The following NOX3 variants were observed in gnomAD, a reference collection of about 807,000 sequenced individuals.
The protein encoded by NOX3 is NADPH oxidase catalytic subunit-like 3.
Under a neutral mutation model 76.7 loss-of-function variants are expected in NOX3, and 74 were observed. That is an observed-to-expected ratio of 0.96 (90% CI 0.80 to 1.17). The LOEUF (loss-of-function observed/expected upper bound fraction) is 1.17, where lower values mean the gene tolerates loss of function less well. NOX3 is among the 50% of genes most tolerant of loss of function. The pLI is 0.00. For synonymous variants in NOX3, 263 were observed against 261.1 expected, an observed-to-expected ratio of 1.01 and a Z score of -0.07; for missense variants, 695 against 703.3, an observed-to-expected ratio of 0.99 and a Z score of 0.13.
chr6:155,423,960 C>A (rs1031149482), intron 9 of NOX3, among the ~76,000 whole-genome samples: 4 of 152,082 alleles, frequency 2.6e-5, no homozygotes, highest in Non-Finnish European at 4.4e-5. Flanking sequence ...CCAGGATGGT[C>A]TTGATCTCTT....
chr6:155,416,692 G>A (rs1165419619), intron 10 of NOX3, among the ~76,000 whole-genome samples: 2 of 149,036 alleles, frequency 1.3e-5, no homozygotes, highest in Non-Finnish European at 3.0e-5. Context: ...CCTCCGTTTG[G>A]TCTAATTACA....
chr6:155,410,469 T>C (rs1233392752), intron 11 of NOX3, among the ~76,000 whole-genome samples: 1 of 152,240 alleles, frequency 6.6e-6, no homozygotes, highest in Non-Finnish European at 1.5e-5. Context: ...TTGTGTAACC[T>C]AGTAATCACT....
chr6:155,431,786 G>A (rs753092413), intron 7 of NOX3, among the ~76,000 whole-genome samples: 1 of 152,192 alleles, frequency 6.6e-6, no homozygotes, highest in Non-Finnish European at 1.5e-5. Context: ...AAGGAGTTAA[G>A]ACTCAGTCAG....
At chr6:155,433,367 G>C (rs565612312) in intron 7 of NOX3, among the ~76,000 whole-genome samples, 1 of 152,144 alleles carries the variant, frequency 6.6e-6, no homozygotes, top group Non-Finnish European at 1.5e-5. Context: ...ACAGACAAGA[G>C]AGAATCAAGA....
intron 10 of NOX3, among the ~76,000 whole-genome samples, chr6:155,421,183 A>G (rs1403632598): frequency 6.6e-6 from 1 of 152,190 alleles, no homozygotes; most frequent in African/African-American, 2.4e-5. Context: ...TTGTCATGGA[A>G]AGAGCCAGAT....
At chr6:155,429,527 C>T (rs1776804540) in intron 8 of NOX3, among the ~76,000 whole-genome samples, 1 of 152,190 alleles carries the variant, frequency 6.6e-6, no homozygotes, top group African/African-American at 2.4e-5. Flanking sequence ...AAGTGAAAAA[C>T]AATCTTCAAA....
chr6:155,396,461 G>A lies in NOX3; in HGVS notation c.*27+348C>T, dbSNP rs182347390. Among the ~76,000 whole-genome samples, 90 of 152,338 alleles carry A rather than the reference G, an allele frequency of 5.9e-4. 1 individual carries two copies. The highest frequency in any genetic ancestry group is 8.7e-4 in the Non-Finnish European group (59 of 68,034). On this transcript the variant is annotated intron_variant, in intron 13 of 13. Transcript: ENST00000159060. ...AATGGAAACAAGTTTGGGAAAGACA[G>A]CCTATGCCAGGGGTCAGCAAGCTCC...
In NOX3 at chr6:155,436,409, C is replaced by A. The variant is rs550273176; in HGVS notation, c.798+9G>T. 6.8e-6 allele frequency: 11 copies of A among 1,613,912 alleles called. No homozygotes were observed. Among genetic ancestry groups the A allele is most frequent in the East Asian group, 4.5e-5 (2 of 44,874 alleles). ...ATTTATTTTTAAAAGCTCCTGGGTT[C>A]ATTCTTACCGAGGGTTCCTTGCCAG... On this transcript the variant is annotated intron_variant, in intron 7 of 13. Coordinates refer to ENST00000159060, the MANE Select transcript of NOX3 (RefSeq NM_015718.3).
At chr6:155,408,354 C>T in intron 11 of NOX3, among the ~76,000 whole-genome samples, 1 of 152,148 alleles carries the variant, frequency 6.6e-6, no homozygotes, top group East Asian at 1.9e-4. Context: ...CCTTGCTTCT[C>T]ACTTCTGGGG....
At position 155,415,091 on chromosome 6, in the gene NOX3, G is replaced by C. The variant is rs186817760; in HGVS notation, c.1309-3731C>G. Among the ~76,000 whole-genome samples, 425 of 152,270 alleles carry C rather than the reference G, an allele frequency of 2.8e-3. 3 individuals are homozygous for C. Among genetic ancestry groups the C allele is most frequent in the African/African-American group, 9.5e-3 (396 of 41,558 alleles). On this transcript the variant is annotated intron_variant, in intron 10 of 13. Transcript: ENST00000159060. ...CAAACTCAGCCATGTCCATTTGCAA[G>C]GGGCTTGGGTCTGAGCGACAGTCAC... is the stretch of plus-strand genomic sequence containing the variant.
intron 3 of NOX3, among the ~76,000 whole-genome samples, chr6:155,454,335 G>A (rs1328869585): frequency 1.3e-5 from 2 of 152,184 alleles, no homozygotes; most frequent in African/African-American, 4.8e-5. Context: ...AGGAAGCACA[G>A]GTAAGTTCCC....
At chr6:155,453,178 T>C (rs1308087512) in intron 4 of NOX3, among the ~76,000 whole-genome samples, 1 of 152,206 alleles carries the variant, frequency 6.6e-6, no homozygotes, top group Non-Finnish European at 1.5e-5. Flanking sequence ...CAAATGAAGT[T>C]TCACCAACTT....
rs140214056 is a variant in NOX3 at position 155,431,413 on chromosome 6, A to AAAACACACAC, written c.799-479_799-478insGTGTGTGTTT. ...CAGGGTCTGCCTGAATAAACACAGA[A>AAAACACACAC]ACACACACACACACACACACACACA... On this transcript the variant is annotated intron_variant, in intron 7 of 13. Coordinates refer to ENST00000159060, the MANE Select transcript of NOX3 (RefSeq NM_015718.3). Among the ~76,000 whole-genome samples the AAAACACACAC allele has an allele frequency of 2.9e-3, 421 of 144,722 alleles. 3 individuals are homozygous for AAAACACACAC. The highest frequency in any genetic ancestry group is 0.019 in the East Asian group (90 of 4,760). The allele number at this position is 144,722 out of a possible 152,430, so 94.9% of individuals were successfully genotyped here.
intron 12 of NOX3, among the ~76,000 whole-genome samples, chr6:155,399,783 G>T (rs1293825201): frequency 6.6e-6 from 1 of 151,966 alleles, no homozygotes; most frequent in Non-Finnish European, 1.5e-5. Context: ...AACCCTAATG[G>T]GGTTGGTAAA....
intron 12 of NOX3, among the ~76,000 whole-genome samples, chr6:155,399,733 T>C (rs1018496768): frequency 7.1e-6 from 1 of 140,202 alleles, no homozygotes; most frequent in Non-Finnish European, 1.5e-5. Context: ...AGCTTCCCTT[T>C]TTTTTTTTTC....
intron 13 of NOX3, among the ~76,000 whole-genome samples, chr6:155,396,423 A>G (rs1205777113): frequency 6.6e-6 from 1 of 152,154 alleles, no homozygotes; most frequent in Non-Finnish European, 1.5e-5. Flanking sequence ...TCCGTGTTGG[A>G]TGTAATGTAG....
chr6:155,425,546 C>A (rs1248228072), intron 9 of NOX3, among the ~76,000 whole-genome samples: 1 of 152,134 alleles, frequency 6.6e-6, no homozygotes, highest in Non-Finnish European at 1.5e-5. Flanking sequence ...ATTGCTATTT[C>A]TGTGGTAGGT....
intron 6 of NOX3, among the ~76,000 whole-genome samples, chr6:155,438,069 A>G (rs140826507): frequency 2.4e-4 from 36 of 152,314 alleles, no homozygotes; most frequent in African/African-American, 8.7e-4. Context: ...TTGTGCTTCT[A>G]CAATGCACCA....
chr6:155,420,180 G>C (rs1201457318), intron 10 of NOX3, among the ~76,000 whole-genome samples: 5 of 152,282 alleles, frequency 3.3e-5, no homozygotes, highest in Non-Finnish European at 7.4e-5. Flanking sequence ...TTAAGAGAAG[G>C]GGGAGGTGAT....
Sources: gnomAD v4.1 joint callset for allele counts (sites outside exome capture counted in the v4.1 genomes callset) on GRCh38, gnomAD v4.1.1 for gene constraint, MANE v1.5 for transcripts, NCBI Gene and HGNC (gene_info 2026-07-23, HGNC 2026-07-21) for gene names.